CEP112: variants seen among roughly 807,000 people sequenced by gnomAD.
CEP112 encodes centrosomal protein of 112 kDa.
In CEP112, 127 loss-of-function variants were observed where a neutral mutation model predicts 153.0. That is an observed-to-expected ratio of 0.83 (90% CI 0.72 to 0.96). CEP112 has a LOEUF of 0.96. Ranked by LOEUF, CEP112 falls within the 40% of genes least tolerant of loss-of-function variation. CEP112 has a pLI of 0.00. For synonymous variants in CEP112, 358 were observed against 374.4 expected, an observed-to-expected ratio of 0.96 and a Z score of 0.51; for missense variants, 1,089 against 1,101.2, an observed-to-expected ratio of 0.99 and a Z score of 0.16.
intron 21 of CEP112, among the ~76,000 whole-genome samples, chr17:65,824,305 C>T (rs1174019381): frequency 6.6e-6 from 1 of 152,178 alleles, no homozygotes; most frequent in Admixed American, 6.5e-5. Context: ...AGAAGCCAGA[C>T]TCAAAAAGCT....
At chr17:66,026,348 C>T (rs2065210150) in intron 16 of CEP112, among the ~76,000 whole-genome samples, 1 of 152,030 alleles carries the variant, frequency 6.6e-6, no homozygotes, top group Non-Finnish European at 1.5e-5. Flanking sequence ...TCAATAACCC[C>T]CTAGTTATTA....
chr17:66,128,299 T>C (rs1479374831), intron 6 of CEP112, among the ~76,000 whole-genome samples: 4 of 42,102 alleles, frequency 9.5e-5, no homozygotes, highest in Non-Finnish European at 1.3e-4. Flanking sequence ...CAAGATTCTG[T>C]CTCAAAAAAA....
chr17:65,961,048 G>A (rs2062181990), intron 18 of CEP112, among the ~76,000 whole-genome samples: 1 of 150,656 alleles, frequency 6.6e-6, no homozygotes, highest in Non-Finnish European at 1.5e-5. Context: ...AAGAATTGGA[G>A]ACAGCCTTTG....
intron 24 of CEP112, among the ~76,000 whole-genome samples, chr17:65,685,056 T>C (rs2047714002): frequency 6.6e-6 from 1 of 152,206 alleles, no homozygotes. Context: ...TCTATTGGTG[T>C]TATTTCTCTT....
At chr17:65,646,195 C>A (rs577602303) in intron 24 of CEP112, among the ~76,000 whole-genome samples, 1 of 152,212 alleles carries the variant, frequency 6.6e-6, no homozygotes, top group South Asian at 2.1e-4. Context: ...CCTTCCATCA[C>A]TTTTCAAATT....
chr17:65,739,854 A>G (rs1430482901), intron 23 of CEP112, among the ~76,000 whole-genome samples: 1 of 152,192 alleles, frequency 6.6e-6, no homozygotes, highest in Non-Finnish European at 1.5e-5. Flanking sequence ...AGTGAGGATC[A>G]TGCCTGCTGT....
At chr17:66,097,923 T>G (rs2068415986) in intron 6 of CEP112, among the ~76,000 whole-genome samples, 1 of 152,182 alleles carries the variant, frequency 6.6e-6, no homozygotes, top group Non-Finnish European at 1.5e-5. Context: ...CACTTCAACC[T>G]AGGGTAGTGG....
intron 20 of CEP112, among the ~76,000 whole-genome samples, chr17:65,879,151 G>C (rs896646138): frequency 6.6e-6 from 1 of 152,224 alleles, no homozygotes; most frequent in African/African-American, 2.4e-5. Flanking sequence ...CAATGATTTT[G>C]AGATGGGAAA....
chr17:65,816,870 T>C (rs995778225), intron 21 of CEP112, among the ~76,000 whole-genome samples: 2 of 152,020 alleles, frequency 1.3e-5, no homozygotes, highest in African/African-American at 4.8e-5. Flanking sequence ...CATTATTTCT[T>C]TCTTAAATGT....
chr17:65,669,699 C>G (rs564849097), intron 24 of CEP112, among the ~76,000 whole-genome samples: 3 of 151,986 alleles, frequency 2.0e-5, no homozygotes, highest in East Asian at 3.9e-4. Flanking sequence ...GTCAGGAGAT[C>G]GAGACCATCC....
intron 19 of CEP112, chr17:65,903,251 G>C (rs754930804): frequency 1.3e-5 from 2 of 152,196 alleles, no homozygotes; most frequent in African/African-American, 4.8e-5. Flanking sequence ...GGGAAAAACT[G>C]CTGTTATCTA....
At chr17:66,131,517 G>A (rs894720797) in intron 5 of CEP112, among the ~76,000 whole-genome samples, 14 of 152,046 alleles carry the variant, frequency 9.2e-5, no homozygotes, top group Admixed American at 2.6e-4. Flanking sequence ...TGAGGCGGGC[G>A]GATCACGAGG....
chr17:65,861,644 G>A (rs2058313194), intron 20 of CEP112, among the ~76,000 whole-genome samples: 1 of 152,154 alleles, frequency 6.6e-6, no homozygotes, highest in Non-Finnish European at 1.5e-5. Context: ...ACATGAAAAG[G>A]TGCCCAACTT....
intron 17 of CEP112, among the ~76,000 whole-genome samples, chr17:65,968,372 A>T (rs895644480): frequency 9.2e-5 from 14 of 152,204 alleles, no homozygotes; most frequent in African/African-American, 2.9e-4. Flanking sequence ...ACTTACATTC[A>T]TCACTATGCA....
At chr17:66,065,763 G>A (rs1437680748) in intron 10 of CEP112, among the ~76,000 whole-genome samples, 2 of 151,634 alleles carry the variant, frequency 1.3e-5, no homozygotes, top group African/African-American at 4.9e-5. Context: ...CTGAGTAGCT[G>A]TGACTACAGG....
chr17:66,075,672 A>G (rs2067464728), intron 8 of CEP112, among the ~76,000 whole-genome samples: 1 of 152,158 alleles, frequency 6.6e-6, no homozygotes, highest in Non-Finnish European at 1.5e-5. Flanking sequence ...TGGGATCTTG[A>G]ATGGGAATCA....
chr17:66,154,003 G>GA (rs59042292), intron 4 of CEP112, among the ~76,000 whole-genome samples: 2 of 134,334 alleles, frequency 1.5e-5, no homozygotes, highest in African/African-American at 2.8e-5. Context: ...TCTCTACTAA[G>GA]AAAAAAAAAA....
chr17:65,903,150 G>A (rs1330999462), intron 19 of CEP112: 9 of 152,242 alleles, frequency 5.9e-5, no homozygotes, highest in Admixed American at 4.6e-4. Context: ...AATAGGGGAC[G>A]GCAGGAAGCC....
chr17:65,802,974 A>G (rs1385315177), intron 21 of CEP112, among the ~76,000 whole-genome samples: 1 of 152,218 alleles, frequency 6.6e-6, no homozygotes, highest in Non-Finnish European at 1.5e-5. Context: ...CAGAAATGAC[A>G]CCACTTGAAA....
Sources: allele counts gnomAD v4.1 joint callset (sites outside exome capture counted in the v4.1 genomes callset), GRCh38; gene constraint gnomAD v4.1.1; transcripts MANE v1.5; gene names NCBI Gene and HGNC (gene_info 2026-07-23, HGNC 2026-07-21).